DYNC1I1: variants seen among roughly 807,000 people sequenced by gnomAD.
The protein encoded by DYNC1I1 is cytoplasmic dynein 1 intermediate chain 1.
DYNC1I1 carries 43 observed loss-of-function variants against 86.6 expected under a neutral mutation model. That is an observed-to-expected ratio of 0.50 (90% CI 0.39 to 0.64). The LOEUF (loss-of-function observed/expected upper bound fraction) is 0.64. Ranked by LOEUF, DYNC1I1 falls within the 30% of genes least tolerant of loss-of-function variation. The pLI, the probability that DYNC1I1 is intolerant of heterozygous loss-of-function variation, is 0.00. For synonymous variants in DYNC1I1, 262 were observed against 283.7 expected, an observed-to-expected ratio of 0.92 and a Z score of 0.77; for missense variants, 604 against 788.8, an observed-to-expected ratio of 0.77 and a Z score of 2.81.
At chr7:96,084,405 A>T (rs1204840302) in intron 16 of DYNC1I1, among the ~76,000 whole-genome samples, 2 of 150,002 alleles carry the variant, frequency 1.3e-5, no homozygotes, top group Non-Finnish European at 3.0e-5. Flanking sequence ...GACACACTAC[A>T]ATCTTCTCAT....
At chr7:96,064,269 A>G (rs1020369349) in intron 14 of DYNC1I1, among the ~76,000 whole-genome samples, 3 of 146,538 alleles carry the variant, frequency 2.0e-5, no homozygotes, top group African/African-American at 7.6e-5. Context: ...TGTCTCTCCA[A>G]TTGAAATTTG....
chr7:96,037,321 T>G (rs779129991), intron 13 of DYNC1I1, among the ~76,000 whole-genome samples: 29 of 152,202 alleles, frequency 1.9e-4, no homozygotes, highest in Non-Finnish European at 3.5e-4. Flanking sequence ...TAAATATATT[T>G]GTTGTATGCC....
intron 14 of DYNC1I1, among the ~76,000 whole-genome samples, chr7:96,060,035 C>G (rs1445470362): frequency 2.0e-5 from 3 of 152,162 alleles, no homozygotes; most frequent in African/African-American, 4.8e-5. Context: ...CCAAAGTTTA[C>G]AAATCAAATT....
intron 6 of DYNC1I1, among the ~76,000 whole-genome samples, chr7:95,967,569 CTG>C (rs1360214256): frequency 6.6e-6 from 1 of 152,170 alleles, no homozygotes; most frequent in Non-Finnish European, 1.5e-5. Flanking sequence ...CCCTTGCTCT[CTG>C]TGTAAAATTG....
At chr7:95,887,558 T>A (rs1790626601) in intron 6 of DYNC1I1, among the ~76,000 whole-genome samples, 1 of 152,194 alleles carries the variant, frequency 6.6e-6, no homozygotes, top group Admixed American at 6.5e-5. Context: ...TCTTATAGCA[T>A]TTATATTTCC....
chr7:96,095,026 A>T (rs532356706), intron 16 of DYNC1I1, among the ~76,000 whole-genome samples: 8 of 152,324 alleles, frequency 5.3e-5, no homozygotes, highest in Middle Eastern at 6.8e-3. Context: ...TGACACTTTT[A>T]TGAGGGTGAA....
At chr7:95,873,128 T>C (rs531416837) in intron 6 of DYNC1I1, among the ~76,000 whole-genome samples, 1 of 152,324 alleles carries the variant, frequency 6.6e-6, no homozygotes, top group African/African-American at 2.4e-5. Flanking sequence ...TCATAGTTTG[T>C]TTTGATAGTC....
intron 6 of DYNC1I1, among the ~76,000 whole-genome samples, chr7:95,902,674 T>G (rs1791069943): frequency 6.6e-6 from 1 of 152,220 alleles, no homozygotes; most frequent in African/African-American, 2.4e-5. Flanking sequence ...TTATTTATAC[T>G]GTGCCTCATA....
At chr7:95,991,313 A>G (rs1409547735) in intron 9 of DYNC1I1, among the ~76,000 whole-genome samples, 1 of 152,190 alleles carries the variant, frequency 6.6e-6, no homozygotes, top group Non-Finnish European at 1.5e-5. Flanking sequence ...TATTAATACT[A>G]CAACCTGATG....
At chr7:95,981,885 A>G (rs1793468241) in intron 7 of DYNC1I1, among the ~76,000 whole-genome samples, 1 of 152,160 alleles carries the variant, frequency 6.6e-6, no homozygotes, top group South Asian at 2.1e-4. Context: ...GATAGGGAAA[A>G]GCTGTAGAAA....
intron 1 of DYNC1I1, among the ~76,000 whole-genome samples, chr7:95,777,904 C>T (rs1003053600): frequency 6.6e-6 from 1 of 152,134 alleles, no homozygotes; most frequent in African/African-American, 2.4e-5. Context: ...TCCATCACCT[C>T]CACACATTTA....
chr7:96,026,585 C>A (rs1794689107), intron 10 of DYNC1I1, among the ~76,000 whole-genome samples: 2 of 152,140 alleles, frequency 1.3e-5, no homozygotes, highest in Admixed American at 6.6e-5. Flanking sequence ...CCCAGGCAAT[C>A]TCTTAGTCAG....
At chr7:95,996,749 T>C (rs73708447) in intron 10 of DYNC1I1, among the ~76,000 whole-genome samples, 34 of 152,346 alleles carry the variant, frequency 2.2e-4, no homozygotes, top group African/African-American at 8.2e-4. Context: ...GCCTAAATAA[T>C]AGGCCTCAGC....
intron 6 of DYNC1I1, among the ~76,000 whole-genome samples, chr7:95,948,826 G>A (rs1792474075): frequency 6.6e-6 from 1 of 152,116 alleles, no homozygotes; most frequent in African/African-American, 2.4e-5. Flanking sequence ...GAGTGCTGAG[G>A]GGAAATTTTG....
At chr7:96,025,945 T>C (rs1794671440) in intron 10 of DYNC1I1, among the ~76,000 whole-genome samples, 1 of 152,172 alleles carries the variant, frequency 6.6e-6, no homozygotes, top group Non-Finnish European at 1.5e-5. Flanking sequence ...CATATCGATT[T>C]GAGCTTTGGT....
chr7:95,896,784 C>T (rs1790893943), intron 6 of DYNC1I1, among the ~76,000 whole-genome samples: 1 of 152,196 alleles, frequency 6.6e-6, no homozygotes, highest in Non-Finnish European at 1.5e-5. Flanking sequence ...CCTAGAATGT[C>T]AATCCGTGAT....
chr7:95,859,712 CAG>C (rs1410624280), intron 5 of DYNC1I1, among the ~76,000 whole-genome samples: 4 of 152,234 alleles, frequency 2.6e-5, no homozygotes, highest in African/African-American at 9.6e-5. Context: ...TGGTGTGAAT[CAG>C]AGACTGAGTC....
intron 14 of DYNC1I1, among the ~76,000 whole-genome samples, chr7:96,055,584 T>G (rs6953841): frequency 0.25 from 38,358 of 151,806 alleles, 5,230 homozygotes; most frequent in African/African-American, 0.35. Context: ...CATTCCATAT[T>G]GTGTGTAATA....
chr7:95,837,105 A>C, intron 5 of DYNC1I1, among the ~76,000 whole-genome samples: 1 of 148,614 alleles, frequency 6.7e-6, no homozygotes, highest in African/African-American at 2.5e-5. Flanking sequence ...GGTTTTATCT[A>C]CTTTTGGTCT....
Sources: gnomAD v4.1 joint callset for allele counts (sites outside exome capture counted in the v4.1 genomes callset) on GRCh38, gnomAD v4.1.1 for gene constraint, MANE v1.5 for transcripts, NCBI Gene and HGNC (gene_info 2026-07-23, HGNC 2026-07-21) for gene names.